The following MAP3K4 variants were observed in gnomAD, a reference collection of about 807,000 sequenced individuals.
MAP3K4 encodes the protein MAP three kinase 1.
Under a neutral mutation model 185.6 loss-of-function variants are expected in MAP3K4, and 67 were observed. The ratio of observed to expected loss-of-function variants is 0.36; its 90% CI spans 0.30 to 0.44. The LOEUF (loss-of-function observed/expected upper bound fraction) is 0.44, where lower values mean the gene tolerates loss of function less well. MAP3K4 is among the 20% of genes least tolerant of loss of function. The probability of loss-of-function intolerance (pLI) is 1.00; values close to 1 mark genes in which losing one functional copy is unlikely to be tolerated. For synonymous variants in MAP3K4, 702 were observed against 710.4 expected (o/e 0.99, Z 0.19); for missense variants, 1,551 against 1,995.1 (o/e 0.78, Z 4.24).
intron 4 of MAP3K4, among the ~76,000 whole-genome samples, chr6:161,072,419 A>G (rs1192689653): frequency 6.6e-6 from 1 of 152,168 alleles, no homozygotes; most frequent in Non-Finnish European, 1.5e-5. Context: ...TACACATACA[A>G]GTAAGTATGT....
In MAP3K4 at chr6:161,007,272, C is replaced by T. The variant is rs531757253; in HGVS notation, c.152+15189C>T. ...AAAATACAGTGGACAGTTAAGTAGACGATTTTATTCGGGATATTGCAGTGG... is the reference window on the plus strand; with the variant it reads ...AAAATACAGTGGACAGTTAAGTAGATGATTTTATTCGGGATATTGCAGTGG... On this transcript the variant is annotated intron_variant, in intron 1 of 26. Transcript: ENST00000392142. The surrounding 1 kb of genome is among the most constrained non-coding windows in gnomAD (Gnocchi z 4.5). Among the ~76,000 whole-genome samples, 22 of 152,086 alleles carry T rather than the reference C, an allele frequency of 1.4e-4. No homozygotes were observed. Among genetic ancestry groups the T allele is most frequent in the Non-Finnish European group, 2.2e-4 (15 of 67,986 alleles).
At chr6:161,105,606 G>A (rs983124531) in intron 19 of MAP3K4, among the ~76,000 whole-genome samples, 7 of 152,158 alleles carry the variant, frequency 4.6e-5, no homozygotes, top group Non-Finnish European at 1.0e-4. Flanking sequence ...TGCACTGTGT[G>A]AGTAAGATTC....
In MAP3K4 at chr6:161,049,736, C is replaced by T. The variant is rs201628007; in HGVS notation, c.1464C>T (p.Asp488=). ...IDNSFDIQSR[D]CISKKLERLE... ...ACAGCTTCGACATCCAGTCGCGGGA[C>T]TGCATATCCAAGAAGCTTGAGAGGC... The change falls in exon 3 of 27, where the codon GAC becomes GAT. Residue 488 remains aspartate (D), a synonymous_variant. Coordinates refer to ENST00000392142, the MANE Select transcript of MAP3K4 (RefSeq NM_005922.4). This position sits in a 1 kb window ranked among gnomAD's most constrained non-coding sequence, Gnocchi z 8.4. 39 of 1,614,142 alleles carry T rather than the reference C, an allele frequency of 2.4e-5. No homozygotes were observed. The East Asian group carries it at 5.8e-4, about 24-fold the overall frequency.
At position 161,086,722 on chromosome 6, in the gene MAP3K4, A is replaced by AATT. The variant is rs1382822905; in HGVS notation, c.2556+56_2556+57insTTA. Reference sequence around the variant, plus strand: ...ATTTTGCCTTTCCTTCTTTATTCTAAAACAGGCAGACTTTTTCTTGAAGGT... The same window carrying AATT: ...ATTTTGCCTTTCCTTCTTTATTCTAAATTAACAGGCAGACTTTTTCTTGAAGGT... On this transcript the variant is annotated intron_variant, in intron 9 of 26. Coordinates refer to ENST00000392142, the MANE Select transcript of MAP3K4 (RefSeq NM_005922.4). The surrounding 1 kb of genome is among the most constrained non-coding windows in gnomAD (Gnocchi z 4.8). 1 of 1,425,052 alleles carries AATT rather than the reference A, an allele frequency of 7.0e-7. No individual in the cohort carries two copies. The highest frequency in any genetic ancestry group is 1.4e-5 in the African/African-American group (1 of 70,134). The allele number at this position is 1,425,052 out of a possible 1,614,324, so 88.3% of individuals were successfully genotyped here.
Sources: gnomAD v4.1 joint callset for allele counts (sites outside exome capture counted in the v4.1 genomes callset) on GRCh38, gnomAD v4.1.1 for gene constraint, Gnocchi (gnomAD v3.1) non-coding constraint, MANE v1.5 for transcripts, NCBI Gene and HGNC (gene_info 2026-07-23, HGNC 2026-07-21) for gene names.